The following CNTNAP4 variants were observed in gnomAD, a reference collection of about 807,000 sequenced individuals.
CNTNAP4 encodes the protein contactin-associated protein-like 4.
In CNTNAP4, 98 loss-of-function variants were observed where a neutral mutation model predicts 148.4. The observed-to-expected ratio is 0.66, with a 90% confidence interval of 0.56 to 0.78. The LOEUF is 0.78. Among genes scored for constraint, CNTNAP4 ranks in the 30% least tolerant of loss-of-function variants. CNTNAP4 has a pLI of 0.00. For missense variants in CNTNAP4, 1,935 were observed against 1,565.6 expected (o/e 1.24, Z -3.98); for synonymous variants, 730 against 565.1 (o/e 1.29, Z -4.14).
chr16:76,284,645 G>C (rs7193230), intron 1 of CNTNAP4, among the ~76,000 whole-genome samples: 117,744 of 151,924 alleles, frequency 0.78, 46,257 homozygotes, highest in African/African-American at 0.91. Context: ...ATTGACTGTT[G>C]AATTGTCTTC....
chr16:76,527,274 C>T (rs1475314021), intron 17 of CNTNAP4, among the ~76,000 whole-genome samples: 2 of 152,138 alleles, frequency 1.3e-5, no homozygotes, highest in African/African-American at 4.8e-5. Context: ...TTCTCCCATT[C>T]CCTCGCATAT....
intron 3 of CNTNAP4, among the ~76,000 whole-genome samples, chr16:76,393,336 T>A (rs1176960449): frequency 1.3e-5 from 2 of 152,174 alleles, no homozygotes; most frequent in Non-Finnish European, 2.9e-5. Flanking sequence ...GGTCAACAAA[T>A]CCTCCCTACT....
chr16:76,395,849 C>A (rs952966258), intron 3 of CNTNAP4, among the ~76,000 whole-genome samples: 2 of 151,958 alleles, frequency 1.3e-5, no homozygotes, highest in African/African-American at 4.8e-5. Context: ...CTGCCTCAGC[C>A]TCCCTAGTAG....
intron 1 of CNTNAP4, among the ~76,000 whole-genome samples, chr16:76,301,339 A>ATTTT (rs1003591912): frequency 6.6e-6 from 1 of 152,182 alleles, no homozygotes; most frequent in African/African-American, 2.4e-5. Flanking sequence ...AAAAACAAAA[A>ATTTT]TTTAAACATA....
chr16:76,473,745 G>A (rs2081455151), intron 10 of CNTNAP4, among the ~76,000 whole-genome samples: 2 of 152,102 alleles, frequency 1.3e-5, no homozygotes, highest in African/African-American at 2.4e-5. Context: ...CTGCACTACA[G>A]CCTGGGCAAC....
chr16:76,391,820 C>CT (rs2017022863), intron 3 of CNTNAP4, among the ~76,000 whole-genome samples: 1 of 152,200 alleles, frequency 6.6e-6, no homozygotes. Flanking sequence ...ATCTCAGTCA[C>CT]TGCTTCAGAC....
At chr16:76,419,329 A>AT (rs1217671121) in intron 3 of CNTNAP4, among the ~76,000 whole-genome samples, 31 of 152,064 alleles carry the variant, frequency 2.0e-4, no homozygotes, top group Non-Finnish European at 1.5e-5. Context: ...TTTCTTCAGG[A>AT]GAATAGCCCT....
At chr16:76,539,647 C>T in intron 19 of CNTNAP4, 72 bp from the exon 20 acceptor site, 3 of 1,253,006 alleles carry the variant, frequency 2.4e-6, no homozygotes, top group Non-Finnish European at 3.3e-6. Context: ...CAAAAAATCA[C>T]TCTGATTTTT....
chr16:76,284,326 A>G (rs1052107770), intron 1 of CNTNAP4, among the ~76,000 whole-genome samples: 2 of 151,938 alleles, frequency 1.3e-5, no homozygotes. Flanking sequence ...ATACTCTTTA[A>G]CAGATTTTCA....
chr16:76,340,112 G>A (rs1371072057), intron 2 of CNTNAP4, among the ~76,000 whole-genome samples: 1 of 152,068 alleles, frequency 6.6e-6, no homozygotes. Flanking sequence ...TGCATCAAGA[G>A]GATGCCTTTT....
At chr16:76,372,580 A>G (rs962674736) in intron 3 of CNTNAP4, among the ~76,000 whole-genome samples, 32 of 152,246 alleles carry the variant, frequency 2.1e-4, no homozygotes, top group Admixed American at 1.8e-3. Context: ...AGTAAGTCTC[A>G]TGAGATCTGA....
intron 3 of CNTNAP4, among the ~76,000 whole-genome samples, chr16:76,408,509 G>A (rs1156446261): frequency 6.6e-6 from 1 of 150,558 alleles, no homozygotes; most frequent in Middle Eastern, 3.4e-3. Flanking sequence ...TCAACCCCAT[G>A]GCCTTTTCTC....
chr16:76,432,905 A>T (rs1597517128), intron 4 of CNTNAP4, among the ~76,000 whole-genome samples: 1 of 152,230 alleles, frequency 6.6e-6, no homozygotes, highest in African/African-American at 2.4e-5. Context: ...TGATTTTTCT[A>T]GCCTTAGGGT....
At chr16:76,434,147 G>A (rs1462119159) in intron 4 of CNTNAP4, among the ~76,000 whole-genome samples, 1 of 149,094 alleles carries the variant, frequency 6.7e-6, no homozygotes, top group African/African-American at 2.4e-5. Flanking sequence ...ATATATACTA[G>A]AAATATTGAA....
chr16:76,409,401 A>C (rs62051219), intron 3 of CNTNAP4, among the ~76,000 whole-genome samples: 1 of 151,984 alleles, frequency 6.6e-6, no homozygotes, highest in Non-Finnish European at 1.5e-5. Flanking sequence ...CAGAGGATGC[A>C]TACAAATATC....
chr16:76,339,724 T>C (rs1964314085), intron 2 of CNTNAP4, among the ~76,000 whole-genome samples: 1 of 152,250 alleles, frequency 6.6e-6, no homozygotes, highest in Non-Finnish European at 1.5e-5. Context: ...TCTCTGAATT[T>C]GGCCATATTA....
At chr16:76,406,377 A>G (rs1482070955) in intron 3 of CNTNAP4, among the ~76,000 whole-genome samples, 1 of 152,006 alleles carries the variant, frequency 6.6e-6, no homozygotes, top group Non-Finnish European at 1.5e-5. Context: ...GGACCTCCCT[A>G]TTTCCTGAGA....
chr16:76,347,115 T>A (rs1482199307), intron 2 of CNTNAP4, among the ~76,000 whole-genome samples: 1 of 148,406 alleles, frequency 6.7e-6, no homozygotes, highest in African/African-American at 2.5e-5. Context: ...ATGATTAAGC[T>A]GTGTAGGTGT....
At chr16:76,416,046 C>T (rs374151247) in intron 3 of CNTNAP4, among the ~76,000 whole-genome samples, 13 of 150,420 alleles carry the variant, frequency 8.6e-5, no homozygotes, top group African/African-American at 3.2e-4. Flanking sequence ...AACTTCTATC[C>T]TTAACTCATT....
Sources: gnomAD v4.1 joint callset for allele counts (sites outside exome capture counted in the v4.1 genomes callset) on GRCh38, gnomAD v4.1.1 for gene constraint, MANE v1.5 for transcripts, NCBI Gene and HGNC (gene_info 2026-07-23, HGNC 2026-07-21) for gene names.